SCARA5: variants seen among roughly 807,000 people sequenced by gnomAD.
The protein encoded by SCARA5 is scavenger receptor class A member 5, also known as scavenger receptor class A, member 5 (putative).
A neutral mutation model predicts 46.3 loss-of-function variants in SCARA5; 45 were observed. The observed-to-expected ratio is 0.97, with a 90% CI of 0.76 to 1.24. The LOEUF (loss-of-function observed/expected upper bound fraction) is 1.24, where lower values mean the gene tolerates loss of function less well. Ranked by LOEUF, SCARA5 falls within the 50% of genes most tolerant of loss-of-function variation. SCARA5 has a pLI of 0.00. For synonymous variants in SCARA5, 333 were observed against 306.5 expected (o/e 1.09, Z -0.90); for missense variants, 680 against 689.0 (o/e 0.99, Z 0.15).
At chr8:27,968,048 T>C (rs1808396071) in intron 2 of SCARA5, among the ~76,000 whole-genome samples, 1 of 152,170 alleles carries the variant, frequency 6.6e-6, no homozygotes, top group Non-Finnish European at 1.5e-5. Flanking sequence ...TGCAATTCCT[T>C]CATAGGTTCC....
chr8:27,927,352 C>T (rs1214445371), intron 3 of SCARA5, among the ~76,000 whole-genome samples: 6 of 152,198 alleles, frequency 3.9e-5, no homozygotes, highest in Non-Finnish European at 8.8e-5. Context: ...TCTTTTATTG[C>T]TGTTCATTGC....
rs541837475 is a variant in SCARA5 at position 27,907,394 on chromosome 8, A to G, written c.998-148T>C. Reference sequence around the variant, plus strand: ...TTTTTTCTGTTAATCTAAAGATGCCACCACAGCAGAGTCAAAGAGGTCCAC... The same window carrying G: ...TTTTTTCTGTTAATCTAAAGATGCCGCCACAGCAGAGTCAAAGAGGTCCAC... On this transcript the variant is annotated intron_variant, in intron 5 of 8. Transcript: ENST00000354914. The G allele has an allele frequency of 1.1e-5, 6 of 564,126 alleles. No individual in the cohort carries two copies. In the East Asian group the frequency reaches 1.2e-4, roughly 11 times the overall value. The allele number at this position is 564,126 out of a possible 1,614,324, so 34.9% of individuals were successfully genotyped here. A position where few individuals can be genotyped will look rare whatever the true frequency, so the allele number is the denominator to read the frequency against.
intron 7 of SCARA5, among the ~76,000 whole-genome samples, chr8:27,899,646 A>G (rs144049838): frequency 1.3e-5 from 2 of 152,248 alleles, no homozygotes; most frequent in Non-Finnish European, 2.9e-5. Context: ...GCTCAAGCCT[A>G]AACTCCTGAC....
At chr8:27,983,311 G>A (rs1182866533) in intron 2 of SCARA5, among the ~76,000 whole-genome samples, 8 of 152,224 alleles carry the variant, frequency 5.3e-5, no homozygotes, top group Admixed American at 2.6e-4. Context: ...GGGCACTCAC[G>A]CTTGCTGGCT....
chr8:27,989,125 CT>C (rs1343447251), intron 1 of SCARA5, among the ~76,000 whole-genome samples: 4 of 118,738 alleles, frequency 3.4e-5, no homozygotes, highest in Non-Finnish European at 5.1e-5. Flanking sequence ...CTGTTTCTTT[CT>C]TTCTTTTTTT....
chr8:27,876,621 G>T (rs766176158), intron 8 of SCARA5, among the ~76,000 whole-genome samples: 1 of 152,154 alleles, frequency 6.6e-6, no homozygotes, highest in Non-Finnish European at 1.5e-5. Flanking sequence ...AGCCCATGGG[G>T]CATCCGAGTG....
rs190594029 is a variant in SCARA5, at chr8:27,980,816, G to A, written c.112+6688C>T. Among the ~76,000 whole-genome samples the A allele has an allele frequency of 2.6e-5, 4 of 152,294 alleles. No homozygotes were observed. The East Asian group carries it at 7.7e-4, about 29-fold the overall frequency. On this transcript the variant is annotated intron_variant, in intron 2 of 8. Transcript: ENST00000354914. The stretch of plus-strand genomic sequence containing the variant: ...TAATATTCGAGAAACAGGACTAAAG[G>A]AACTTGCTCAATTTCCTGGAGTATC...
At chr8:27,904,177 C>T (rs559232417) in intron 7 of SCARA5, among the ~76,000 whole-genome samples, 20 of 152,320 alleles carry the variant, frequency 1.3e-4, no homozygotes, top group African/African-American at 4.8e-4. Flanking sequence ...AGCGTCACTC[C>T]TCCATCAGTG....
intron 3 of SCARA5, among the ~76,000 whole-genome samples, chr8:27,954,278 GA>G (rs1349455704): frequency 6.6e-6 from 1 of 152,022 alleles, no homozygotes; most frequent in Non-Finnish European, 1.5e-5. Flanking sequence ...TTCTCGGGGC[GA>G]CAGAAGATTC....
intron 3 of SCARA5, among the ~76,000 whole-genome samples, chr8:27,922,939 C>T (rs1394237706): frequency 6.6e-6 from 1 of 152,224 alleles, no homozygotes; most frequent in South Asian, 2.1e-4. Context: ...CAGGCCCTCA[C>T]CAGACATGAA....
chr8:27,947,708 T>TA (rs34760183), intron 3 of SCARA5, among the ~76,000 whole-genome samples: 37,711 of 112,682 alleles, frequency 0.33, 5,746 homozygotes, highest in Admixed American at 0.36. Flanking sequence ...GTGTCTCTAC[T>TA]AAAAAAAAAA....
At chr8:27,973,660 G>A (rs767524355) in intron 2 of SCARA5, among the ~76,000 whole-genome samples, 1 of 152,162 alleles carries the variant, frequency 6.6e-6, no homozygotes, top group Non-Finnish European at 1.5e-5. Flanking sequence ...CAAGGCCTGA[G>A]CCTGCCCCTG....
rs267601884 is a variant in SCARA5, at chr8:27,922,169, C to T, written c.318G>A (p.Arg106=). ...RNVNRLNESF[R]DLQLRLLQAP... Reference sequence around the variant, plus strand: ...CCTGCAGCAGCCGCAGCTGCAAGTCCCGGAAGCTCTCATTCAGCCGGTTCA... The same window carrying T: ...CCTGCAGCAGCCGCAGCTGCAAGTCTCGGAAGCTCTCATTCAGCCGGTTCA... Residue 106 remains arginine (R), a synonymous_variant, in exon 4 of 9, where the codon CGG becomes CGA. Transcript: ENST00000354914. 1 of 1,607,558 alleles carries T rather than the reference C, an allele frequency of 6.2e-7. No individual in the cohort carries two copies. The highest frequency in any genetic ancestry group is 1.1e-5 in the South Asian group (1 of 89,612).
chr8:27,984,751 T>TCATTCATTCACATATC (rs1392416657), intron 2 of SCARA5, among the ~76,000 whole-genome samples: 3 of 152,090 alleles, frequency 2.0e-5, no homozygotes, highest in Non-Finnish European at 2.9e-5. Flanking sequence ...ATCCATTTAT[T>TCATTCATTCACATATC]CATTCATTCA....
Position 27,921,576 on chromosome 8 carries a change from G to C in SCARA5, c.911C>G (p.Ala304Gly). 1.3e-6 allele frequency: 2 copies of C among 1,547,754 alleles called. No individual in the cohort carries two copies. Residue 304 changes from alanine to glycine, a missense_variant, in exon 4 of 9, where the codon GCG becomes GGG. Coordinates refer to ENST00000354914, the MANE Select transcript of SCARA5 (RefSeq NM_173833.6). ...CAGCAAGGGCCTGGCGGTACCTTTC[G>C]CGAGGGAGATGTTCCGCAGTGCGAT... is the stretch of plus-strand genomic sequence containing the variant. ...HSIALRNISL[A>G]KGPPGPKGDQ...
intron 2 of SCARA5, among the ~76,000 whole-genome samples, chr8:27,974,532 G>T (rs1236252715): frequency 6.6e-6 from 1 of 151,930 alleles, no homozygotes; most frequent in East Asian, 1.9e-4. Context: ...TCTTCTTGTT[G>T]TCTTTGGTCC....
chr8:27,935,636 G>C (rs575228537), intron 3 of SCARA5, among the ~76,000 whole-genome samples: 1 of 152,280 alleles, frequency 6.6e-6, no homozygotes, highest in African/African-American at 2.4e-5. Flanking sequence ...GGGAGCGGGA[G>C]AGGGCTCAGG....
chr8:27,934,870 T>G (rs1050338436), intron 3 of SCARA5, among the ~76,000 whole-genome samples: 2 of 152,268 alleles, frequency 1.3e-5, no homozygotes, highest in Admixed American at 6.5e-5. Context: ...GGCTAAAGTC[T>G]GCAAAGTCCT....
intron 3 of SCARA5, among the ~76,000 whole-genome samples, chr8:27,951,958 A>G (rs949294830): frequency 5.3e-5 from 8 of 152,124 alleles, no homozygotes; most frequent in Admixed American, 4.6e-4. Flanking sequence ...CTTTTGCAGG[A>G]TAGTGTCCCC....
Sources: allele counts gnomAD v4.1 joint callset (sites outside exome capture counted in the v4.1 genomes callset), GRCh38; gene constraint gnomAD v4.1.1; transcripts MANE v1.5; gene names NCBI Gene and HGNC (gene_info 2026-07-23, HGNC 2026-07-21).